The following EDARADD variants were observed in gnomAD, a reference collection of about 807,000 sequenced individuals.
EDARADD encodes the protein ectodysplasin-A receptor-associated adapter protein.
In EDARADD, 20 loss-of-function variants were observed where a neutral mutation model predicts 25.6. The observed-to-expected ratio is 0.78, with a 90% confidence interval of 0.55 to 1.14. EDARADD has a LOEUF of 1.14. Ranked by LOEUF, EDARADD falls within the 50% of genes most tolerant of loss-of-function variation. EDARADD has a pLI of 0.00. For missense variants in EDARADD, 225 were observed against 270.1 expected (o/e 0.83, Z 1.17); for synonymous variants, 86 against 94.4 (o/e 0.91, Z 0.52).
At chr1:236,450,791 C>T (rs1658691223) in intron 4 of EDARADD, among the ~76,000 whole-genome samples, 1 of 152,116 alleles carries the variant, frequency 6.6e-6, no homozygotes, top group South Asian at 2.1e-4. Context: ...TTAGGTGAGC[C>T]ACCCTCCTCG....
chr1:236,394,726 T>C (rs998515989), intron 1 of EDARADD, among the ~76,000 whole-genome samples: 1 of 152,236 alleles, frequency 6.6e-6, no homozygotes, highest in Non-Finnish European at 1.5e-5. Context: ...CGCCTTCCTA[T>C]AATAGGCTTA....
At chr1:236,453,060 T>C (rs1246048514) in intron 4 of EDARADD, among the ~76,000 whole-genome samples, 1 of 152,202 alleles carries the variant, frequency 6.6e-6, no homozygotes, top group Non-Finnish European at 1.5e-5. Flanking sequence ...TCTGTATTTG[T>C]AGACTAGACC....
chr1:236,415,141 G>A (rs931190551), intron 3 of EDARADD, among the ~76,000 whole-genome samples: 5 of 152,218 alleles, frequency 3.3e-5, no homozygotes, highest in Non-Finnish European at 7.3e-5. Context: ...GATTGTGGCA[G>A]TTCAGGTCAT....
At chr1:236,354,299 T>A (rs750830569) in intron 3 of EDARADD, among the ~76,000 whole-genome samples, 2 of 152,074 alleles carry the variant, frequency 1.3e-5, no homozygotes, top group Non-Finnish European at 2.9e-5. Context: ...AATATCAGAA[T>A]GAGGGAAAAG....
chr1:236,428,672 G>A (rs1456389702), intron 4 of EDARADD, among the ~76,000 whole-genome samples: 2 of 111,306 alleles, frequency 1.8e-5, no homozygotes, highest in Non-Finnish European at 4.5e-5. Flanking sequence ...CCGGGAAGAG[G>A]CGCTCCTCAC....
intron 4 of EDARADD, among the ~76,000 whole-genome samples, chr1:236,467,207 C>T (rs375237811): frequency 7.6e-5 from 11 of 145,214 alleles, no homozygotes; most frequent in African/African-American, 2.0e-4. Context: ...AACACACAAA[C>T]GGGGAATCTG....
intron 4 of EDARADD, among the ~76,000 whole-genome samples, chr1:236,463,942 G>A (rs972434186): frequency 2.0e-5 from 3 of 152,150 alleles, no homozygotes; most frequent in African/African-American, 7.2e-5. Context: ...GCACGGACAG[G>A]GTGCCTGGGG....
At chr1:236,466,870 C>T (rs1445713562) in intron 4 of EDARADD, among the ~76,000 whole-genome samples, 2 of 152,124 alleles carry the variant, frequency 1.3e-5, no homozygotes, top group Non-Finnish European at 2.9e-5. Context: ...AGTTCGAGAC[C>T]ATCCCGGCCA....
At chr1:236,474,167 G>C (rs143246752) in intron 5 of EDARADD, among the ~76,000 whole-genome samples, 46 of 152,226 alleles carry the variant, frequency 3.0e-4, no homozygotes, top group African/African-American at 1.1e-3. Context: ...AGGATGATTT[G>C]GGATTATGCT....
chr1:236,411,464 C>T (rs1657477944), intron 2 of EDARADD, among the ~76,000 whole-genome samples: 1 of 152,096 alleles, frequency 6.6e-6, no homozygotes, highest in Non-Finnish European at 1.5e-5. Flanking sequence ...ACATGACCAT[C>T]TTCTCCCAGG....
intron 4 of EDARADD, among the ~76,000 whole-genome samples, chr1:236,458,461 A>G (rs1356387472): frequency 6.6e-6 from 1 of 152,186 alleles, no homozygotes; most frequent in Non-Finnish European, 1.5e-5. Context: ...GCCATGACTA[A>G]GGAATCAGGA....
chr1:236,451,855 G>A (rs1658722125), intron 4 of EDARADD, among the ~76,000 whole-genome samples: 1 of 152,170 alleles, frequency 6.6e-6, no homozygotes, highest in South Asian at 2.1e-4. Context: ...ACCTGATATG[G>A]GCAGTGCACT....
At chr1:236,367,021 T>C (rs1300214088) in intron 3 of EDARADD, among the ~76,000 whole-genome samples, 1 of 144,636 alleles carries the variant, frequency 6.9e-6, no homozygotes, top group Non-Finnish European at 1.5e-5. Context: ...GAGACGGAGG[T>C]TGCAGTGAGC....
rs565166177 is a variant in EDARADD at position 236,409,262 on chromosome 1, A to G, written c.108A>G (p.Leu36=). Residue 36 remains leucine (L), a synonymous_variant, in exon 2 of 6, where the codon TTA becomes TTG. Coordinates refer to ENST00000334232, the MANE Select transcript of EDARADD (RefSeq NM_145861.4). ...TGGAAGACACAGACCCTAGCACTTT[A>G]TCCTTTAATATGGTAGGTGACAAAT... is the stretch of plus-strand genomic sequence containing the variant. ...EPVEDTDPST[L]SFNMSDKYPI... The G allele has an allele frequency of 6.2e-7, 1 of 1,612,548 alleles. No individual in the cohort carries two copies. Among genetic ancestry groups the G allele is most frequent in the East Asian group, 2.2e-5 (1 of 44,828 alleles).
intron 4 of EDARADD, among the ~76,000 whole-genome samples, chr1:236,457,248 G>A (rs756797450): frequency 6.6e-6 from 1 of 152,216 alleles, no homozygotes; most frequent in South Asian, 2.1e-4. Context: ...GGGCACGGGG[G>A]CTCACGCCTG....
rs1323735191 is a variant in EDARADD at position 236,404,794 on chromosome 1, C to T, written c.62-4422C>T. 3.3e-5 allele frequency among the ~76,000 whole-genome samples: 5 copies of T among 151,662 alleles called. No homozygotes were observed. The East Asian group carries it at 5.8e-4, about 18-fold the overall frequency. On this transcript the variant is annotated intron_variant, in intron 1 of 5. Transcript: ENST00000334232. ...CTCCAGCCTGGGTGACACTGTGAGA[C>T]GCCGTCTCAAAAAAAATGTCTGGCG... is the stretch of plus-strand genomic sequence containing the variant.
In EDARADD at chr1:236,468,214, T is replaced by C; in HGVS notation, c.220-17T>C. ...ATTTGGATATGATTTTAATGAAGGTTGCTTTTTGGTTTTTAGGGAGAAGAA... is the reference window on the plus strand; with the variant it reads ...ATTTGGATATGATTTTAATGAAGGTCGCTTTTTGGTTTTTAGGGAGAAGAA... On this transcript the variant is annotated splice_polypyrimidine_tract_variant and intron_variant, in intron 4 of 5. Transcript: ENST00000334232. The C allele has an allele frequency of 6.2e-7, 1 of 1,612,278 alleles. No individual in the cohort carries two copies. Among genetic ancestry groups the C allele is most frequent in the African/African-American group, 1.3e-5 (1 of 74,994 alleles).
intron 3 of EDARADD, among the ~76,000 whole-genome samples, chr1:236,367,143 T>G (rs1572111312): frequency 7.7e-6 from 1 of 129,216 alleles, no homozygotes. Context: ...AGATCTTCCC[T>G]GTTTTTTGGG....
intron 4 of EDARADD, among the ~76,000 whole-genome samples, chr1:236,457,777 C>T (rs1296172716): frequency 4.0e-5 from 6 of 150,666 alleles, no homozygotes; most frequent in Admixed American, 3.3e-4. Flanking sequence ...CAAGATCGCA[C>T]CACTGCACTC....
Sources: gnomAD v4.1 joint callset for allele counts (sites outside exome capture counted in the v4.1 genomes callset) on GRCh38, gnomAD v4.1.1 for gene constraint, MANE v1.5 for transcripts, NCBI Gene and HGNC (gene_info 2026-07-23, HGNC 2026-07-21) for gene names.